Variants in RGS17 observed in about 807,000 individuals in gnomAD.
RGS17 encodes the protein regulator of G protein signaling 17.
A neutral mutation model predicts 25.5 loss-of-function variants in RGS17; 12 were observed. That is an observed-to-expected ratio of 0.47 (90% CI 0.30 to 0.76). The LOEUF is 0.76. RGS17 is among the 30% of genes least tolerant of loss of function. The pLI is 0.07. For synonymous variants in RGS17, 71 were observed against 76.9 expected (o/e 0.92, Z 0.40); for missense variants, 196 against 242.2 (o/e 0.81, Z 1.27).
chr6:153,122,653 T>C (rs1777649209), intron 1 of RGS17, among the ~76,000 whole-genome samples: 2 of 152,102 alleles, frequency 1.3e-5, no homozygotes. Context: ...TGTTTTTTCC[T>C]GGCAGATAGA....
At chr6:153,073,104 T>C (rs1054487630) in intron 1 of RGS17, among the ~76,000 whole-genome samples, 1 of 152,194 alleles carries the variant, frequency 6.6e-6, no homozygotes, top group Non-Finnish European at 1.5e-5. Context: ...TAATGAAAGT[T>C]TGTAGGATGT....
chr6:153,036,830 G>A (rs1377784624), intron 2 of RGS17, among the ~76,000 whole-genome samples: 5 of 151,702 alleles, frequency 3.3e-5, no homozygotes, highest in African/African-American at 1.2e-4. Context: ...TTTCTGTTGT[G>A]CCCCACCATC....
intron 1 of RGS17, among the ~76,000 whole-genome samples, chr6:153,105,728 T>A (rs1299268906): frequency 6.6e-6 from 1 of 152,196 alleles, no homozygotes; most frequent in Non-Finnish European, 1.5e-5. Context: ...ATAGCATGGC[T>A]TACTTTTTAA....
intron 2 of RGS17, among the ~76,000 whole-genome samples, chr6:153,030,746 G>A (rs978220613): frequency 2.1e-4 from 32 of 152,158 alleles, no homozygotes; most frequent in African/African-American, 7.5e-4. Flanking sequence ...CAATACTTTA[G>A]TAATGTGTAT....
intron 1 of RGS17, among the ~76,000 whole-genome samples, chr6:153,085,605 A>G (rs1439274602): frequency 6.6e-6 from 1 of 152,252 alleles, no homozygotes; most frequent in Non-Finnish European, 1.5e-5. Context: ...AGAAGCTATC[A>G]GTCACATACC....
intron 1 of RGS17, among the ~76,000 whole-genome samples, chr6:153,108,150 C>G (rs1479769341): frequency 6.6e-6 from 1 of 152,172 alleles, no homozygotes; most frequent in Non-Finnish European, 1.5e-5. Flanking sequence ...GCTCTTCATT[C>G]ATTTCATTCC....
chr6:153,122,978 T>C (rs1777656610), intron 1 of RGS17, among the ~76,000 whole-genome samples: 1 of 150,354 alleles, frequency 6.7e-6, no homozygotes. Flanking sequence ...TACTCCAATG[T>C]ACATTGGAGT....
intron 1 of RGS17, among the ~76,000 whole-genome samples, chr6:153,080,990 T>C (rs970133429): frequency 6.6e-6 from 1 of 151,818 alleles, no homozygotes; most frequent in Non-Finnish European, 1.5e-5. Flanking sequence ...TAAATTTAGA[T>C]TTTTTTAAAT....
intron 1 of RGS17, among the ~76,000 whole-genome samples, chr6:153,114,924 GT>G (rs1777522768): frequency 6.6e-6 from 1 of 152,046 alleles, no homozygotes; most frequent in Non-Finnish European, 1.5e-5. Flanking sequence ...TTGATGGAAC[GT>G]ATCTCAAAAT....
chr6:153,026,366 A>G (rs753705683), intron 3 of RGS17, 88 bp downstream of exon 3: 6 of 795,180 alleles, frequency 7.5e-6, no homozygotes, highest in Non-Finnish European at 1.2e-5. Context: ...GAAGAGTACC[A>G]TGAAGCAAGG....
chr6:153,092,139 T>C (rs618173), intron 1 of RGS17, among the ~76,000 whole-genome samples: 60,549 of 152,106 alleles, frequency 0.4, 12,929 homozygotes, highest in Non-Finnish European at 0.48. Context: ...CTCTTTGAAT[T>C]TTTGTCTTTT....
At chr6:153,049,160 C>T (rs547100270) in intron 1 of RGS17, among the ~76,000 whole-genome samples, 1 of 152,160 alleles carries the variant, frequency 6.6e-6, no homozygotes, top group East Asian at 1.9e-4. Flanking sequence ...ATAAAACTTC[C>T]AAGAGATTCG....
At chr6:153,113,629 T>C (rs921765560) in intron 1 of RGS17, among the ~76,000 whole-genome samples, 1 of 152,184 alleles carries the variant, frequency 6.6e-6, no homozygotes, top group Non-Finnish European at 1.5e-5. Flanking sequence ...GAATATATAT[T>C]CTTCTTAGCA....
rs199569176 is a variant in RGS17, at chr6:153,022,979, AT to A, written c.444+1282del. On this transcript the variant is annotated intron_variant, in intron 4 of 4. Transcript: ENST00000206262. ...TCATGTTCATGTAGGAAATAAAAAA[AT>A]AAATCAATCCTTTGTGCGTCTAATT... Among the ~76,000 whole-genome samples the A allele has an allele frequency of 8.4e-3, 1,273 of 152,322 alleles. 17 individuals carry two copies. Among genetic ancestry groups the A allele is most frequent in the African/African-American group, 0.029 (1,213 of 41,562 alleles).
At chr6:153,067,710 A>G (rs1156380986) in intron 1 of RGS17, among the ~76,000 whole-genome samples, 3 of 152,204 alleles carry the variant, frequency 2.0e-5, no homozygotes, top group African/African-American at 7.2e-5. Context: ...GGAAGAATCA[A>G]TATTGTTAAA....
chr6:153,083,333 T>C (rs1777009329), intron 1 of RGS17, among the ~76,000 whole-genome samples: 1 of 152,154 alleles, frequency 6.6e-6, no homozygotes, highest in South Asian at 2.1e-4. Context: ...TTTCAGGAAA[T>C]AGAGTAAAGA....
chr6:153,020,008 T>C (rs1779223033), intron 4 of RGS17, among the ~76,000 whole-genome samples: 2 of 149,300 alleles, frequency 1.3e-5, no homozygotes, highest in Admixed American at 1.3e-4. Flanking sequence ...ATGTGTAAAT[T>C]TCTAGTTTTT....
intron 1 of RGS17, among the ~76,000 whole-genome samples, chr6:153,086,284 T>C (rs780596538): frequency 6.6e-6 from 1 of 152,180 alleles, no homozygotes; most frequent in Non-Finnish European, 1.5e-5. Flanking sequence ...AGAAGTATGT[T>C]TTATAACTCA....
chr6:153,057,848 T>G (rs1044312664), intron 1 of RGS17, among the ~76,000 whole-genome samples: 1 of 152,086 alleles, frequency 6.6e-6, no homozygotes, highest in African/African-American at 2.4e-5. Flanking sequence ...CATGTGCAGT[T>G]CACAACAGGA....
Sources: allele counts gnomAD v4.1 joint callset (sites outside exome capture counted in the v4.1 genomes callset), GRCh38; gene constraint gnomAD v4.1.1; transcripts MANE v1.5; gene names NCBI Gene and HGNC (gene_info 2026-07-23, HGNC 2026-07-21).